Variants in NRG1 observed in about 807,000 individuals in gnomAD.
The protein encoded by NRG1 is pro-neuregulin-1, membrane-bound isoform.
Under a neutral mutation model 63.8 loss-of-function variants are expected in NRG1, and 18 were observed. The ratio of observed to expected loss-of-function variants is 0.28; its 90% CI spans 0.19 to 0.42. The LOEUF is 0.42. Ranked by LOEUF, NRG1 falls within the 10% of genes least tolerant of loss-of-function variation. NRG1 has a pLI of 1.00. For synonymous variants in NRG1, 302 were observed against 301.3 expected, an observed-to-expected ratio of 1.00 and a Z score of -0.02; for missense variants, 762 against 814.7, an observed-to-expected ratio of 0.94 and a Z score of 0.79.
intron 1 of NRG1, among the ~76,000 whole-genome samples, chr8:32,187,848 C>T (rs1842113806): frequency 6.6e-6 from 1 of 152,196 alleles, no homozygotes; most frequent in Non-Finnish European, 1.5e-5. Context: ...TTTTAAATCT[C>T]TAAAGACAAC....
rs923812011 is a variant in NRG1 at position 31,639,369 on chromosome 8, G to A, written c.-26G>A. Reference sequence around the variant, plus strand: ...GGGACGCCCAGGAGGACCCACTCGCGGGTCCCGCTCCGCTCCGGCAGCAGC... The same window carrying A: ...GGGACGCCCAGGAGGACCCACTCGCAGGTCCCGCTCCGCTCCGGCAGCAGC... On this transcript the variant is annotated 5_prime_UTR_variant, in exon 1 of 11. Transcript: ENST00000519301. 65 of 1,534,142 alleles carry A rather than the reference G, an allele frequency of 4.2e-5. No homozygotes were observed. The Admixed American group carries it at 1.2e-3, about 28-fold the overall frequency.
At chr8:32,007,633 A>G (rs1344392388) in intron 1 of NRG1, among the ~76,000 whole-genome samples, 3 of 152,064 alleles carry the variant, frequency 2.0e-5, no homozygotes, top group Non-Finnish European at 4.4e-5. Context: ...AGAGATAGAA[A>G]GTCGATCCAC....
intron 1 of NRG1, among the ~76,000 whole-genome samples, chr8:32,447,959 T>C (rs1820480840): frequency 6.6e-6 from 1 of 152,180 alleles, no homozygotes; most frequent in African/African-American, 2.4e-5. Flanking sequence ...TTCCAAAGTG[T>C]TAATCTTAGG....
chr8:32,151,616 T>C (rs2131830016), intron 1 of NRG1, among the ~76,000 whole-genome samples: 1 of 152,178 alleles, frequency 6.6e-6, no homozygotes, highest in Admixed American at 6.5e-5. Flanking sequence ...AATGTAAGTC[T>C]CTATACTTGC....
chr8:32,600,884 A>G (rs1198186567), intron 2 of NRG1, among the ~76,000 whole-genome samples: 1 of 152,158 alleles, frequency 6.6e-6, no homozygotes, highest in Non-Finnish European at 1.5e-5. Flanking sequence ...GCAAAAAGTT[A>G]AATTTATGAC....
intron 5 of NRG1, among the ~76,000 whole-genome samples, chr8:32,645,060 A>G (rs984678255): frequency 6.6e-6 from 1 of 152,184 alleles, no homozygotes; most frequent in South Asian, 2.1e-4. Flanking sequence ...TCAGTGCCGT[A>G]TATTTCAACT....
At chr8:32,371,647 A>G (rs1277499065) in intron 1 of NRG1, among the ~76,000 whole-genome samples, 1 of 152,210 alleles carries the variant, frequency 6.6e-6, no homozygotes, top group Non-Finnish European at 1.5e-5. Flanking sequence ...TTAAGAAGGG[A>G]GACAGAGGAT....
intron 1 of NRG1, among the ~76,000 whole-genome samples, chr8:31,773,098 A>G (rs893373823): frequency 6.6e-6 from 1 of 152,124 alleles, no homozygotes; most frequent in Middle Eastern, 3.2e-3. Flanking sequence ...ATTATTGTTA[A>G]AAGTTTAGGG....
chr8:32,553,628 G>T (rs1016005000), intron 1 of NRG1, among the ~76,000 whole-genome samples: 1 of 151,992 alleles, frequency 6.6e-6, no homozygotes, highest in African/African-American at 2.4e-5. Flanking sequence ...CTTTTTTCTG[G>T]CAACACTTAA....
At chr8:31,797,826 T>A (rs944121896) in intron 1 of NRG1, among the ~76,000 whole-genome samples, 1 of 152,236 alleles carries the variant, frequency 6.6e-6, no homozygotes, top group Non-Finnish European at 1.5e-5. Context: ...AATGTATGTA[T>A]ACAGAATGGC....
At chr8:31,981,327 A>T (rs1184520598) in intron 1 of NRG1, among the ~76,000 whole-genome samples, 1 of 151,952 alleles carries the variant, frequency 6.6e-6, no homozygotes. Flanking sequence ...TTTTTTCCTA[A>T]AAAAACCCAC....
At chr8:31,713,473 A>G (rs1812033346) in intron 1 of NRG1, among the ~76,000 whole-genome samples, 1 of 151,984 alleles carries the variant, frequency 6.6e-6, no homozygotes, top group East Asian at 1.9e-4. Context: ...TTCTACTGTT[A>G]TTGTAACTTC....
intron 1 of NRG1, among the ~76,000 whole-genome samples, chr8:32,136,282 C>T (rs1371738752): frequency 6.6e-6 from 1 of 152,192 alleles, no homozygotes; most frequent in Admixed American, 6.5e-5. Flanking sequence ...ATACAAACCT[C>T]TTGCAGGTAC....
At chr8:31,983,717 AG>A (rs1809568607) in intron 1 of NRG1, among the ~76,000 whole-genome samples, 1 of 152,046 alleles carries the variant, frequency 6.6e-6, no homozygotes, top group Non-Finnish European at 1.5e-5. Context: ...GGAAATAAAC[AG>A]GAGAGCAGGC....
At position 31,695,890 on chromosome 8, in the gene NRG1, T is replaced by G. The variant is rs577676486; in HGVS notation, c.37+56459T>G. On this transcript the variant is annotated intron_variant, in intron 1 of 10. Transcript: ENST00000519301. ...GAGAAATATAAGAAGCTTAGAATTG[T>G]GGAGTTGGAAGGGACAAGTCACCTC... Among the ~76,000 whole-genome samples the G allele has an allele frequency of 3.9e-5, 6 of 152,296 alleles. No homozygotes were observed. In the South Asian group the frequency reaches 1.2e-3, roughly 32 times the overall value.
chr8:31,714,339 TG>T (rs1219004661), intron 1 of NRG1, among the ~76,000 whole-genome samples: 1 of 152,202 alleles, frequency 6.6e-6, no homozygotes, highest in African/African-American at 2.4e-5. Flanking sequence ...AGATTTTTTT[TG>T]TATTGGTGGT....
rs575011464 is a variant in NRG1 at position 32,575,158 on chromosome 8, G to A, written c.101-20670G>A. Among the ~76,000 whole-genome samples, 6 of 152,184 alleles carry A rather than the reference G, an allele frequency of 3.9e-5. No homozygotes were observed. The South Asian group carries it at 1.0e-3, about 26-fold the overall frequency. On this transcript the variant is annotated intron_variant, in intron 1 of 11. Coordinates refer to ENST00000356819, the Ensembl canonical transcript of NRG1. ...TCCCCAGGTTTCACAATTGACCTTT[G>A]TCTTAGTGTCCATACTGGTTGGACA... is the stretch of plus-strand genomic sequence containing the variant.
At position 32,233,561 on chromosome 8, in the gene NRG1, ATATTTT is replaced by A. The variant is rs1231250610; in HGVS notation, c.38-362265_38-362260del. 6.9e-3 allele frequency among the ~76,000 whole-genome samples: 408 copies of A among 59,294 alleles called. 3 individuals carry two copies. Among genetic ancestry groups the A allele is most frequent in the African/African-American group, 0.031 (383 of 12,194 alleles). The allele number at this position is 59,294 out of a possible 152,430, so 38.9% of individuals were successfully genotyped here. ...AATATATATATATATATATATATAT[ATATTTT>A]TTTTTTTTTTTCTTTTGAAACGGTG... is the stretch of plus-strand genomic sequence containing the variant. On this transcript the variant is annotated intron_variant, in intron 1 of 10. Transcript: ENST00000519301.
At chr8:32,330,450 T>C (rs139372027) in intron 1 of NRG1, among the ~76,000 whole-genome samples, 189 of 152,292 alleles carry the variant, frequency 1.2e-3, no homozygotes, top group African/African-American at 4.3e-3. Context: ...TTGGGGAGTG[T>C]TCTCAGGAAT....
Sources: allele counts gnomAD v4.1 joint callset (sites outside exome capture counted in the v4.1 genomes callset), GRCh38; gene constraint gnomAD v4.1.1; transcripts MANE v1.5; gene names NCBI Gene and HGNC (gene_info 2026-07-23, HGNC 2026-07-21).